CNTNAP2: variants seen among roughly 807,000 people sequenced by gnomAD.
CNTNAP2 encodes contactin associated protein 2.
Under a neutral mutation model 155.2 loss-of-function variants are expected in CNTNAP2, and 98 were observed. The observed-to-expected ratio is 0.63, with a 90% CI of 0.54 to 0.75. CNTNAP2 has a LOEUF of 0.75. Among genes scored for constraint, CNTNAP2 ranks in the 30% least tolerant of loss-of-function variants. The pLI is 0.00. For synonymous variants in CNTNAP2, 651 were observed against 631.2 expected, an observed-to-expected ratio of 1.03 and a Z score of -0.47; for missense variants, 1,727 against 1,688.1, an observed-to-expected ratio of 1.02 and a Z score of -0.40.
chr7:146,619,434 T>G (rs1011266597), intron 1 of CNTNAP2, among the ~76,000 whole-genome samples: 12 of 152,296 alleles, frequency 7.9e-5, no homozygotes, highest in Admixed American at 3.3e-4. Context: ...TAACTGCCTA[T>G]ATGAGTTTTG....
intron 3 of CNTNAP2, among the ~76,000 whole-genome samples, chr7:146,877,639 GTA>G (rs1007507682): frequency 1.3e-5 from 2 of 150,784 alleles, no homozygotes; most frequent in African/African-American, 4.9e-5. Context: ...ATGTATGTGT[GTA>G]TATATGTGTA....
At chr7:147,664,619 T>C (rs1795666602) in intron 13 of CNTNAP2, among the ~76,000 whole-genome samples, 1 of 152,252 alleles carries the variant, frequency 6.6e-6, no homozygotes, top group South Asian at 2.1e-4. Flanking sequence ...TTCTTCTCTA[T>C]CGGTCCAGTA....
At chr7:146,692,390 G>A (rs1253975068) in intron 1 of CNTNAP2, among the ~76,000 whole-genome samples, 1 of 152,156 alleles carries the variant, frequency 6.6e-6, no homozygotes, top group African/African-American at 2.4e-5. Flanking sequence ...CATACTAAGA[G>A]TTATCCTGTT....
chr7:146,763,433 CA>C (rs1802139671), intron 1 of CNTNAP2, among the ~76,000 whole-genome samples: 1 of 152,108 alleles, frequency 6.6e-6, no homozygotes, highest in South Asian at 2.1e-4. Context: ...CTATAATTAA[CA>C]CCATCTGAAA....
At chr7:148,161,476 A>G (rs1349929311) in intron 17 of CNTNAP2, among the ~76,000 whole-genome samples, 1 of 152,192 alleles carries the variant, frequency 6.6e-6, no homozygotes, top group Non-Finnish European at 1.5e-5. Context: ...CTCCTGCCTC[A>G]GGACAAACCT....
intron 1 of CNTNAP2, among the ~76,000 whole-genome samples, chr7:146,642,523 G>A (rs1333489212): frequency 1.3e-5 from 2 of 151,738 alleles, no homozygotes; most frequent in East Asian, 3.9e-4. Context: ...ATTCCATGGT[G>A]TATACGTGCC....
At chr7:148,310,485 A>C (rs1797575387) in intron 21 of CNTNAP2, among the ~76,000 whole-genome samples, 1 of 152,232 alleles carries the variant, frequency 6.6e-6, no homozygotes, top group African/African-American at 2.4e-5. Context: ...CAGAGGTTGA[A>C]ATGCCTGCTA....
At chr7:147,250,940 T>G (rs750588994) in intron 8 of CNTNAP2, among the ~76,000 whole-genome samples, 1 of 152,132 alleles carries the variant, frequency 6.6e-6, no homozygotes, top group Non-Finnish European at 1.5e-5. Context: ...TTACCAACCT[T>G]GGGTTGCTTT....
intron 10 of CNTNAP2, among the ~76,000 whole-genome samples, chr7:147,438,972 C>A (rs567906871): frequency 1.3e-5 from 2 of 151,806 alleles, no homozygotes; most frequent in East Asian, 3.9e-4. Flanking sequence ...TTATTTGCAT[C>A]TTCTCTCTTT....
In CNTNAP2 at chr7:147,422,416, T is replaced by C. The variant is rs752807491; in HGVS notation, c.1670+26636T>C. Among the ~76,000 whole-genome samples, 23 of 151,862 alleles carry C rather than the reference T, an allele frequency of 1.5e-4. 1 individual carries two copies. Among genetic ancestry groups the C allele is most frequent in the Non-Finnish European group, 2.9e-4 (20 of 67,938 alleles). The stretch of plus-strand genomic sequence containing the variant: ...TATACATACTATATATGTAATCTGA[T>C]ATATGTGTAACTACTGATTATATAA... On this transcript the variant is annotated intron_variant, in intron 10 of 23. Coordinates refer to ENST00000361727, the MANE Select transcript of CNTNAP2 (RefSeq NM_014141.6).
intron 1 of CNTNAP2, among the ~76,000 whole-genome samples, chr7:146,612,174 T>G (rs1799149284): frequency 6.6e-6 from 1 of 152,098 alleles, no homozygotes; most frequent in South Asian, 2.1e-4. Flanking sequence ...TAATCCCTAG[T>G]AGATACGACA....
intron 14 of CNTNAP2, among the ~76,000 whole-genome samples, chr7:147,930,533 G>A (rs1238750745): frequency 2.6e-5 from 4 of 152,210 alleles, no homozygotes; most frequent in African/African-American, 7.2e-5. Flanking sequence ...TCACCAAGAT[G>A]TAACAATTTT....
chr7:146,245,684 C>T (rs956938169), intron 1 of CNTNAP2, among the ~76,000 whole-genome samples: 4 of 151,938 alleles, frequency 2.6e-5, no homozygotes, highest in African/African-American at 7.3e-5. Flanking sequence ...AGAATTATGC[C>T]GAGATAGGTA....
At chr7:146,770,249 A>ATG (rs147645318) in intron 1 of CNTNAP2, among the ~76,000 whole-genome samples, 10 of 151,176 alleles carry the variant, frequency 6.6e-5, no homozygotes, top group African/African-American at 2.2e-4. Context: ...CTTTGTATGT[A>ATG]TGTGTGTGTG....
intron 1 of CNTNAP2, among the ~76,000 whole-genome samples, chr7:146,355,351 A>G (rs1794982814): frequency 1.3e-5 from 2 of 152,208 alleles, no homozygotes; most frequent in Non-Finnish European, 2.9e-5. Flanking sequence ...TAACTGAAGT[A>G]AATGGTATTT....
chr7:146,669,263 A>G (rs1005900380), intron 1 of CNTNAP2, among the ~76,000 whole-genome samples: 1 of 152,160 alleles, frequency 6.6e-6, no homozygotes, highest in African/African-American at 2.4e-5. Context: ...ACAGGCAGTA[A>G]GCCCACCTTC....
rs193151575 is a variant in CNTNAP2, at chr7:147,997,455, G to C, written c.2383+19466G>C. ...GCCTGTAATCCCAGCTGCTTGGGAG[G>C]CTGAGGCAGGAGAATCGCTTGAACC... is the stretch of plus-strand genomic sequence containing the variant. On this transcript the variant is annotated intron_variant, in intron 15 of 23. Coordinates refer to ENST00000361727, the MANE Select transcript of CNTNAP2 (RefSeq NM_014141.6). Among the ~76,000 whole-genome samples the C allele has an allele frequency of 4.0e-3, 610 of 152,108 alleles. 3 individuals are homozygous for C. The highest frequency in any genetic ancestry group is 6.0e-3 in the Non-Finnish European group (411 of 67,998).
At chr7:147,902,776 GTT>G (rs1799890428) in intron 13 of CNTNAP2, among the ~76,000 whole-genome samples, 5 of 134,828 alleles carry the variant, frequency 3.7e-5, no homozygotes, top group East Asian at 2.2e-4. Context: ...CATCATATAT[GTT>G]TGTGTGTGTG....
chr7:147,039,712 A>G (rs1010039699), intron 3 of CNTNAP2, among the ~76,000 whole-genome samples: 1 of 152,204 alleles, frequency 6.6e-6, no homozygotes, highest in African/African-American at 2.4e-5. Flanking sequence ...GCTGGGTCAA[A>G]TGGTAGTTTT....
Sources: allele counts gnomAD v4.1 joint callset (sites outside exome capture counted in the v4.1 genomes callset), GRCh38; gene constraint gnomAD v4.1.1; transcripts MANE v1.5; gene names NCBI Gene and HGNC (gene_info 2026-07-23, HGNC 2026-07-21).